ZNF385C: variants seen among roughly 807,000 people sequenced by gnomAD.
ZNF385C encodes the protein CTD-2132N18.2.
Under a neutral mutation model 35.4 loss-of-function variants are expected in ZNF385C, and 28 were observed. That is an observed-to-expected ratio of 0.79 (90% CI 0.59 to 1.08). ZNF385C has a LOEUF of 1.08. Ranked by LOEUF, ZNF385C falls within the 50% of genes least tolerant of loss-of-function variation. The pLI, the probability that ZNF385C is intolerant of heterozygous loss-of-function variation, is 0.00. For missense variants in ZNF385C, 605 were observed against 595.6 expected, an observed-to-expected ratio of 1.02 and a Z score of -0.16; for synonymous variants, 248 against 248.2, an observed-to-expected ratio of 1.00 and a Z score of 0.01.
intron 5 of ZNF385C, among the ~76,000 whole-genome samples, chr17:42,029,347 G>C (rs1024525496): frequency 6.6e-6 from 1 of 152,204 alleles, no homozygotes; most frequent in Non-Finnish European, 1.5e-5. Context: ...GTACTAGAAT[G>C]TTCAGAGAAC....
At chr17:42,071,866 G>A (rs1249039627) in intron 1 of ZNF385C, among the ~76,000 whole-genome samples, 2 of 152,200 alleles carry the variant, frequency 1.3e-5, no homozygotes, top group African/African-American at 2.4e-5. Flanking sequence ...TAGTCACCAC[G>A]TCCAAGTCAG....
At chr17:42,054,755 T>C (rs2053345728) in intron 2 of ZNF385C, among the ~76,000 whole-genome samples, 1 of 152,032 alleles carries the variant, frequency 6.6e-6, no homozygotes, top group Non-Finnish European at 1.5e-5. Flanking sequence ...CTAATTTTTG[T>C]ATTTTTAGTA....
At chr17:42,048,281 T>C (rs1187212193) in intron 2 of ZNF385C, among the ~76,000 whole-genome samples, 1 of 151,042 alleles carries the variant, frequency 6.6e-6, no homozygotes, top group East Asian at 2.0e-4. Context: ...CTCACACCTG[T>C]AATCCTAGCA....
chr17:42,083,293 C>T (rs2053768605), intron 1 of ZNF385C, among the ~76,000 whole-genome samples: 1 of 151,560 alleles, frequency 6.6e-6, no homozygotes, highest in South Asian at 2.1e-4. Flanking sequence ...AGCTCTGCCC[C>T]CCGGGTTCAT....
chr17:42,028,900 C>T lies in ZNF385C; in HGVS notation c.850G>A (p.Ala284Thr). 6.4e-7 allele frequency: 1 copy of T among 1,550,586 alleles called. No homozygotes were observed. The highest frequency in any genetic ancestry group is 8.7e-7 in the Non-Finnish European group (1 of 1,146,998). ...GREAPGPEPA[A>T]AAVGSSMSGE... ...CTCATGCTGCTTCCCACGGCAGCTGCCGCTGGCTCAGGCCCCGGTGCCTCT... is the reference window on the plus strand; with the variant it reads ...CTCATGCTGCTTCCCACGGCAGCTGTCGCTGGCTCAGGCCCCGGTGCCTCT... The change falls in exon 6 of 9, where the codon GCA becomes ACA. Residue 284 changes from alanine to threonine, a missense_variant. Transcript: ENST00000692273.
intron 1 of ZNF385C, among the ~76,000 whole-genome samples, chr17:42,092,916 G>C (rs1050342925): frequency 3.3e-5 from 5 of 152,094 alleles, no homozygotes; most frequent in Admixed American, 2.6e-4. Context: ...ATCTGGGAGC[G>C]GGGGGCGGGG....
At chr17:42,082,021 C>G (rs2143930184) in intron 1 of ZNF385C, among the ~76,000 whole-genome samples, 1 of 152,336 alleles carries the variant, frequency 6.6e-6, no homozygotes, top group South Asian at 2.1e-4. Context: ...CCCATGAGCA[C>G]TGTCCCACTG....
At chr17:42,034,554 C>A (rs1342542186) in intron 3 of ZNF385C, among the ~76,000 whole-genome samples, 4 of 151,456 alleles carry the variant, frequency 2.6e-5, no homozygotes, top group Admixed American at 6.6e-5. Flanking sequence ...CCGAGGCAGG[C>A]AGATCACCTC....
chr17:42,039,711 G>A (rs2052958709), intron 2 of ZNF385C: 1 of 1,232,542 alleles, frequency 8.1e-7, no homozygotes, highest in East Asian at 3.2e-5. Context: ...ACCCTCAGGT[G>A]AGCTGCGACC....
intron 1 of ZNF385C, among the ~76,000 whole-genome samples, chr17:42,096,912 G>A (rs1302696574): frequency 2.6e-5 from 4 of 151,244 alleles, no homozygotes; most frequent in Non-Finnish European, 5.9e-5. Flanking sequence ...GAACCAGCAG[G>A]GGGCAGGTTC....
chr17:42,078,706 G>A (rs1287620784), intron 1 of ZNF385C, among the ~76,000 whole-genome samples: 1 of 152,152 alleles, frequency 6.6e-6, no homozygotes, highest in East Asian at 1.9e-4. Context: ...TACAGGCCAC[G>A]TGGAGGCTCC....
At chr17:42,045,879 C>T (rs1413555388) in intron 2 of ZNF385C, among the ~76,000 whole-genome samples, 2 of 152,214 alleles carry the variant, frequency 1.3e-5, no homozygotes, top group African/African-American at 4.8e-5. Context: ...AAGGCCCTCC[C>T]CAGCCTCTGA....
intron 2 of ZNF385C, chr17:42,039,662 C>T: frequency 8.1e-7 from 1 of 1,230,066 alleles, no homozygotes; most frequent in Non-Finnish European, 1.0e-6. Flanking sequence ...CCTTACAGTG[C>T]CCAGGGCCCC....
intron 2 of ZNF385C, among the ~76,000 whole-genome samples, chr17:42,044,140 TAAAAAA>T (rs35206698): frequency 1.2e-5 from 1 of 83,596 alleles, no homozygotes; most frequent in Non-Finnish European, 2.2e-5. Flanking sequence ...ACCCCATCTC[TAAAAAA>T]AAAAAAAAAA....
intron 3 of ZNF385C, among the ~76,000 whole-genome samples, chr17:42,037,420 C>T (rs958961310): frequency 7.1e-6 from 1 of 140,110 alleles, no homozygotes. Flanking sequence ...CACACACACA[C>T]GTCATCCACA....
At chr17:42,040,300 C>T (rs1336479762) in intron 2 of ZNF385C, 8 of 1,231,610 alleles carry the variant, frequency 6.5e-6, no homozygotes, top group Non-Finnish European at 6.1e-6. Context: ...CTCGGAGTAA[C>T]CGAGCAGCTC....
chr17:42,082,469 C>A (rs2053759276), intron 1 of ZNF385C, among the ~76,000 whole-genome samples: 1 of 152,256 alleles, frequency 6.6e-6, no homozygotes. Context: ...CCCTACTCCA[C>A]CCCCTCACCT....
chr17:42,095,880 G>A lies in ZNF385C; in HGVS notation c.-3+2530C>T, dbSNP rs1457463056. Among the ~76,000 whole-genome samples the A allele has an allele frequency of 6.6e-6, 1 of 152,082 alleles. No individual in the cohort carries two copies. The highest frequency in any genetic ancestry group is 1.5e-5 in the Non-Finnish European group (1 of 68,016). On this transcript the variant is annotated intron_variant, in intron 1 of 8. Coordinates refer to ENST00000692273, the MANE Select transcript of ZNF385C (RefSeq NM_001392013.1). The surrounding 1 kb of genome is among the most constrained non-coding windows in gnomAD (Gnocchi z 4.4). The stretch of plus-strand genomic sequence containing the variant: ...GAACACTCACAGGGCCTGGGGCAAG[G>A]GGACAAATGGCGGCCCACAGACATA...
intron 2 of ZNF385C, chr17:42,043,307 T>C: frequency 8.1e-7 from 1 of 1,232,280 alleles, no homozygotes; most frequent in Non-Finnish European, 1.0e-6. Flanking sequence ...CAGTGCTCGT[T>C]GAAGTAACGC....
Sources: allele counts gnomAD v4.1 joint callset (sites outside exome capture counted in the v4.1 genomes callset), GRCh38; gene constraint gnomAD v4.1.1; non-coding constraint Gnocchi (gnomAD v3.1); transcripts MANE v1.5; gene names NCBI Gene and HGNC (gene_info 2026-07-23, HGNC 2026-07-21).